The following MYO5B variants were observed in gnomAD, a reference collection of about 807,000 sequenced individuals.
The protein encoded by MYO5B is myosin VB, also known as unconventional myosin-Vb.
A neutral mutation model predicts 229.3 loss-of-function variants in MYO5B; 143 were observed. The observed-to-expected ratio is 0.62, with a 90% confidence interval of 0.54 to 0.72. MYO5B has a LOEUF of 0.72. Ranked by LOEUF, MYO5B falls within the 30% of genes least tolerant of loss-of-function variation. The pLI is 0.00. For missense variants in MYO5B, 2,321 were observed against 2,331.0 expected (o/e 1.00, Z 0.09); for synonymous variants, 918 against 885.2 (o/e 1.04, Z -0.66).
chr18:49,843,539 C>T (rs2024088577), intron 33 of MYO5B, 147 bp from the exon 34 acceptor site: 2 of 1,018,732 alleles, frequency 2.0e-6, no homozygotes, highest in Non-Finnish European at 3.0e-6. Context: ...GGGAGAGAAG[C>T]CACCCAGGGT....
At chr18:49,830,044 T>C (rs2023895124) in intron 39 of MYO5B, among the ~76,000 whole-genome samples, 1 of 152,106 alleles carries the variant, frequency 6.6e-6, no homozygotes, top group Non-Finnish European at 1.5e-5. Flanking sequence ...TCAGTATAGT[T>C]CTAGCCAGGG....
chr18:50,129,353 C>A (rs1325652769), intron 1 of MYO5B, among the ~76,000 whole-genome samples: 1 of 152,220 alleles, frequency 6.6e-6, no homozygotes, highest in Non-Finnish European at 1.5e-5. Flanking sequence ...AGCTTCTGCC[C>A]TATATTAATT....
intron 39 of MYO5B, among the ~76,000 whole-genome samples, chr18:49,831,370 G>C (rs1009538624): frequency 5.9e-5 from 9 of 152,106 alleles, no homozygotes; most frequent in Admixed American, 5.9e-4. Context: ...AATCATATCT[G>C]ATAAGGATTT....
chr18:49,907,946 A>G (rs1317751515), intron 18 of MYO5B, among the ~76,000 whole-genome samples: 1 of 152,170 alleles, frequency 6.6e-6, no homozygotes, highest in Non-Finnish European at 1.5e-5. Flanking sequence ...GGGAGCTTTG[A>G]GGCAGCCACG....
At chr18:50,063,033 TTAG>T (rs541616497) in intron 1 of MYO5B, among the ~76,000 whole-genome samples, 50 of 152,256 alleles carry the variant, frequency 3.3e-4, no homozygotes, top group Middle Eastern at 6.8e-3. Flanking sequence ...TTTTAAGTGC[TTAG>T]TAGTTCTTAC....
In MYO5B at chr18:50,194,985, C is replaced by T; in HGVS notation, c.-192G>A. ...CGCTCCCGGCGGCGCGACCTTTACT[C>T]CCGCCGCGGCGGCGCAGCTACGGCC... is the stretch of plus-strand genomic sequence containing the variant. On this transcript the variant is annotated 5_prime_UTR_variant, in exon 1 of 40. Transcript: ENST00000285039. 1 of 759,190 alleles carries T rather than the reference C, an allele frequency of 1.3e-6. No individual in the cohort carries two copies. Among genetic ancestry groups the T allele is most frequent in the Non-Finnish European group, 1.8e-6 (1 of 566,396 alleles). 47.0% of individuals were successfully genotyped at this position (759,190 alleles called of 1,614,324 possible).
intron 17 of MYO5B, among the ~76,000 whole-genome samples, chr18:49,920,757 T>C (rs532019749): frequency 6.6e-6 from 1 of 152,304 alleles, no homozygotes; most frequent in East Asian, 1.9e-4. Context: ...TTAAATCACC[T>C]GGGGAAACTT....
chr18:50,135,181 C>T (rs907780298), intron 1 of MYO5B, among the ~76,000 whole-genome samples: 1 of 152,192 alleles, frequency 6.6e-6, no homozygotes, highest in Admixed American at 6.5e-5. Context: ...GAGACCATCT[C>T]CCACTTCTTA....
chr18:50,011,114 A>C (rs2026156113), intron 4 of MYO5B, among the ~76,000 whole-genome samples: 1 of 152,182 alleles, frequency 6.6e-6, no homozygotes, highest in African/African-American at 2.4e-5. Flanking sequence ...AGGCCGAGGC[A>C]GGCAGATCAC....
At chr18:49,995,432 AT>A (rs33952487) in intron 5 of MYO5B, among the ~76,000 whole-genome samples, 1 of 148,672 alleles carries the variant, frequency 6.7e-6, no homozygotes, top group Admixed American at 6.7e-5. Context: ...TTTTTTTTGT[AT>A]TTTTTTTTGT....
At chr18:50,046,176 T>C (rs555123418) in intron 2 of MYO5B, among the ~76,000 whole-genome samples, 15 of 152,318 alleles carry the variant, frequency 9.8e-5, no homozygotes, top group Non-Finnish European at 1.6e-4. Flanking sequence ...TCGCACCGAA[T>C]AGGAGTCAAC....
intron 1 of MYO5B, among the ~76,000 whole-genome samples, chr18:50,156,248 A>G (rs2032676680): frequency 6.6e-6 from 1 of 152,356 alleles, no homozygotes; most frequent in Non-Finnish European, 1.5e-5. Context: ...CAGAACAAGT[A>G]CAGTAAGATT....
At chr18:50,051,038 T>G (rs79898963) in intron 2 of MYO5B, among the ~76,000 whole-genome samples, 1,828 of 152,340 alleles carry the variant, frequency 0.012, 30 homozygotes, top group African/African-American at 0.042. Context: ...CTTATGTGTT[T>G]ACACATATGT....
chr18:50,138,867 T>C (rs1471265635), intron 1 of MYO5B, among the ~76,000 whole-genome samples: 3 of 152,172 alleles, frequency 2.0e-5, no homozygotes, highest in African/African-American at 7.2e-5. Flanking sequence ...GGGCTGGCGA[T>C]TCTGCAGGGC....
At chr18:49,878,724 A>C (rs1270667275) in intron 24 of MYO5B, among the ~76,000 whole-genome samples, 3 of 152,198 alleles carry the variant, frequency 2.0e-5, no homozygotes, top group African/African-American at 4.8e-5. Context: ...TTAAACTCAT[A>C]ACTGAGATCT....
intron 1 of MYO5B, among the ~76,000 whole-genome samples, chr18:50,156,491 T>C (rs947828507): frequency 3.3e-5 from 5 of 152,244 alleles, no homozygotes; most frequent in African/African-American, 1.2e-4. Context: ...CTTCCTGCCA[T>C]TATGTGACAA....
At chr18:49,919,343 T>A (rs1379273555) in intron 17 of MYO5B, among the ~76,000 whole-genome samples, 1 of 152,026 alleles carries the variant, frequency 6.6e-6, no homozygotes, top group Non-Finnish European at 1.5e-5. Flanking sequence ...ATTAAAAGCT[T>A]TTGTGCTTCA....
chr18:49,893,279 C>T (rs1026779063), intron 22 of MYO5B, among the ~76,000 whole-genome samples: 1 of 152,200 alleles, frequency 6.6e-6, no homozygotes, highest in Admixed American at 6.5e-5. Context: ...CTGGGACACA[C>T]ATGCAGGGAA....
intron 5 of MYO5B, among the ~76,000 whole-genome samples, chr18:49,994,523 G>C (rs967008032): frequency 6.6e-6 from 1 of 152,156 alleles, no homozygotes; most frequent in Non-Finnish European, 1.5e-5. Flanking sequence ...AGTGTAGGGG[G>C]AGAAAGTACA....
Sources: gnomAD v4.1 joint callset for allele counts (sites outside exome capture counted in the v4.1 genomes callset) on GRCh38, gnomAD v4.1.1 for gene constraint, MANE v1.5 for transcripts, NCBI Gene and HGNC (gene_info 2026-07-23, HGNC 2026-07-21) for gene names.